TTK: variants seen among roughly 807,000 people sequenced by gnomAD.
TTK encodes dual specificity protein kinase TTK.
TTK carries 59 observed loss-of-function variants against 117.3 expected under a neutral mutation model. That is an observed-to-expected ratio of 0.50 (90% CI 0.41 to 0.62). The LOEUF (loss-of-function observed/expected upper bound fraction) is 0.62. TTK is among the 20% of genes least tolerant of loss of function. The pLI is 0.00. For synonymous variants in TTK, 302 were observed against 325.0 expected (o/e 0.93, Z 0.76); for missense variants, 921 against 989.4 (o/e 0.93, Z 0.93).
intron 10 of TTK, among the ~76,000 whole-genome samples, chr6:80,018,894 T>G (rs894029088): frequency 1.3e-5 from 2 of 152,150 alleles, no homozygotes; most frequent in South Asian, 2.1e-4. Context: ...ATAGTTTTTT[T>G]TGTGTGACTG....
chr6:80,035,259 A>C lies in TTK; in HGVS notation c.1773-7A>C. The C allele has an allele frequency of 1.3e-6, 2 of 1,579,562 alleles. No homozygotes were observed. Among genetic ancestry groups the C allele is most frequent in the South Asian group, 2.4e-5 (2 of 84,132 alleles). ...TTGTTTTGTTGCTTTTATTTGTTTA[A>C]TTGCAGTGAAATCACGGACCAGTAC... On this transcript the variant is annotated splice_region_variant and splice_polypyrimidine_tract_variant and intron_variant, in intron 15 of 21. Transcript: ENST00000369798.
intron 14 of TTK, 152 bp downstream of exon 14, chr6:80,031,711 C>G (rs571752475): frequency 2.1e-6 from 1 of 473,042 alleles, no homozygotes. Context: ...CCTTTCTCTT[C>G]CCGCTGCCCC....
At chr6:80,016,942 G>A (rs1357840431) in intron 10 of TTK, among the ~76,000 whole-genome samples, 1 of 152,226 alleles carries the variant, frequency 6.6e-6, no homozygotes, top group African/African-American at 2.4e-5. Flanking sequence ...TCTATTTCCA[G>A]ATTCCTCTGG....
intron 11 of TTK, among the ~76,000 whole-genome samples, chr6:80,023,821 T>TTA (rs1235675935): frequency 1.3e-5 from 2 of 152,190 alleles, no homozygotes; most frequent in African/African-American, 4.8e-5. Context: ...GGAAAACTCC[T>TTA]TATATACTCA....
chr6:80,026,904 T>C (rs1337259698), intron 12 of TTK, among the ~76,000 whole-genome samples: 1 of 152,150 alleles, frequency 6.6e-6, no homozygotes, highest in Non-Finnish European at 1.5e-5. Context: ...GTGGTGTTAA[T>C]TGGAAAGTGA....
chr6:80,011,764 A>G lies in TTK; in HGVS notation c.764A>G (p.Tyr255Cys). 1 of 1,612,880 alleles carries G rather than the reference A, an allele frequency of 6.2e-7. No individual in the cohort carries two copies. The highest frequency in any genetic ancestry group is 8.5e-7 in the Non-Finnish European group (1 of 1,179,208). ...CCACCACAAGATGCAGAAATAGGTT[A>G]CCGGAATTCATTGAGACAAACTAAC... is the stretch of plus-strand genomic sequence containing the variant. ...NMPPQDAEIG[Y>C]RNSLRQTNKT... The change falls in exon 7 of 22, where the codon TAC becomes TGC. Residue 255 changes from tyrosine (Y) to cysteine (C), a missense_variant. Transcript: ENST00000369798.
Position 80,022,468 on chromosome 6 carries a change from C to G in TTK, c.1253C>G (p.Thr418Arg). 1 of 1,612,708 alleles carries G rather than the reference C, an allele frequency of 6.2e-7. No individual in the cohort carries two copies. The highest frequency in any genetic ancestry group is 2.2e-5 in the East Asian group (1 of 44,834). Reference sequence around the variant, plus strand: ...CCGGAGTTAGCCCGAAAAGTTAATACAGAGGTAACTTTTCCACTAAAGTAC... The same window carrying G: ...CCGGAGTTAGCCCGAAAAGTTAATAGAGAGGTAACTTTTCCACTAAAGTAC... ...QIPELARKVN[T>R]EQKHTTFEQP... The change falls in exon 11 of 22, where the codon ACA (threonine) becomes AGA (arginine). Residue 418 changes from threonine (T) to arginine (R), a missense_variant. Transcript: ENST00000369798.
At position 80,005,855 on chromosome 6, in the gene TTK, G is replaced by A. The variant is rs1380126075; in HGVS notation, c.12G>A (p.Glu4=). The part of the protein sequence containing the change: MES[E]DLSGRELTID... ...TTTTTTTCTTAGAAATGGAATCCGA[G>A]GATTTAAGTGGCAGAGAATTGACAA... Residue 4 remains glutamate (E), a synonymous_variant, in exon 2 of 22, where the codon GAG becomes GAA. Transcript: ENST00000369798. 1 of 1,612,048 alleles carries A rather than the reference G, an allele frequency of 6.2e-7. No homozygotes were observed. Among genetic ancestry groups the A allele is most frequent in the South Asian group, 1.1e-5 (1 of 90,698 alleles).
At chr6:80,026,337 A>G (rs750104362) in intron 11 of TTK, 41 bp from the exon 12 acceptor site, 1 of 1,579,550 alleles carries the variant, frequency 6.3e-7, no homozygotes, top group Admixed American at 1.9e-5. Context: ...ACAGGCAACT[A>G]ATTTAAAAAC....
chr6:80,038,534 C>T (rs946932603), intron 18 of TTK, among the ~76,000 whole-genome samples: 11 of 152,126 alleles, frequency 7.2e-5, no homozygotes, highest in Admixed American at 6.6e-5. Context: ...GTTTCCCTGT[C>T]TCTAAATTGT....
chr6:80,008,393 G>A lies in TTK; in HGVS notation c.370G>A (p.Glu124Lys). The A allele has an allele frequency of 6.2e-7, 1 of 1,610,164 alleles. No homozygotes were observed. The highest frequency in any genetic ancestry group is 1.1e-5 in the South Asian group (1 of 90,056). Residue 124 changes from glutamate (E) to lysine (K), a missense_variant, in exon 4 of 22, where the codon GAG becomes AAG. By Grantham distance (56) the Glu-to-Lys change is moderately conservative. Transcript: ENST00000369798. ...VRFAELKAIQ[E>K]PDDARDYFQM... ...TCAAATCTTTTATTACAGTATTCAA[G>A]AGCCAGATGATGCACGTGACTACTT...
chr6:80,031,473 G>A lies in TTK; in HGVS notation c.1528G>A (p.Ala510Thr). ...ATPLQNLQVL[A>T]SSSANECISV... is the part of the protein sequence containing the mutation. ...ATATATTTTACTTATTTAGGTTTTA[G>A]CATCTTCTTCAGCAAATGAATGCAT... The change falls in exon 14 of 22, where the codon GCA (alanine) becomes ACA (threonine). Residue 510 changes from alanine to threonine, a missense_variant. Transcript: ENST00000369798. 1.3e-6 allele frequency: 2 copies of A among 1,497,190 alleles called. No individual in the cohort carries two copies. The highest frequency in any genetic ancestry group is 8.9e-7 in the Non-Finnish European group (1 of 1,129,670). The allele number at this position is 1,497,190 out of a possible 1,614,324, so 92.7% of individuals were successfully genotyped here.
rs1768007361 is a variant in TTK at position 80,040,134 on chromosome 6, TTATCAA to T, written c.2308-56_2308-51del. The T allele has an allele frequency of 4.7e-6, 6 of 1,271,276 alleles. 1 individual carries two copies. The Middle Eastern group carries it at 1.2e-3, about 255-fold the overall frequency. 78.7% of individuals were successfully genotyped at this position (1,271,276 alleles called of 1,614,324 possible). ...ATATAATGTAATCTGGAAAAATACT[TTATCAA>T]TATCATATATGAAAACCTGCTTTGT... On this transcript the variant is annotated intron_variant, in intron 19 of 21. Coordinates refer to ENST00000369798, the MANE Select transcript of TTK (RefSeq NM_003318.5).
In TTK at chr6:80,022,360, G is replaced by A. The variant is rs1311368817; in HGVS notation, c.1145G>A (p.Ser382Asn). 2 of 1,613,652 alleles carry A rather than the reference G, an allele frequency of 1.2e-6. No individual in the cohort carries two copies. Among genetic ancestry groups the A allele is most frequent in the Admixed American group, 3.3e-5 (2 of 59,958 alleles). ...TATCAAGAACCAGAGGTTCCAGAGA[G>A]TAACCAGAAACAGTGGCAATCTAAG... Reference protein sequence around the residue: ...KEYQEPEVPESNQKQWQSKRK... With the variant: ...KEYQEPEVPENNQKQWQSKRK... The change falls in exon 11 of 22, where the codon AGT (serine) becomes AAT (asparagine). Residue 382 changes from serine (S) to asparagine (N), a missense_variant. Coordinates refer to ENST00000369798, the MANE Select transcript of TTK (RefSeq NM_003318.5).
In TTK at chr6:80,035,099, A is replaced by G. The variant is rs1767860155; in HGVS notation, c.1729A>G (p.Lys577Glu). The G allele has an allele frequency of 6.3e-7, 1 of 1,594,590 alleles. No homozygotes were observed. Among genetic ancestry groups the G allele is most frequent in the Non-Finnish European group, 8.5e-7 (1 of 1,174,168 alleles). ...CCGGAACGAAATAGCTTATTTGAAT[A>G]AACTACAACAACACAGTGATAAGAT... ...SYRNEIAYLN[K>E]LQQHSDKIIR... The change falls in exon 15 of 22, where the codon AAA becomes GAA. Residue 577 changes from lysine to glutamate, a missense_variant. Physicochemically the swap from Lys to Glu is moderately conservative, Grantham distance 56. Coordinates refer to ENST00000369798, the MANE Select transcript of TTK (RefSeq NM_003318.5).
At chr6:80,019,030 A>G (rs145976857) in intron 10 of TTK, among the ~76,000 whole-genome samples, 7 of 152,336 alleles carry the variant, frequency 4.6e-5, no homozygotes, top group Non-Finnish European at 8.8e-5. Context: ...GCATTTAGGA[A>G]TAAGCCCAAT....
chr6:80,017,310 C>T (rs1003473889), intron 10 of TTK, among the ~76,000 whole-genome samples: 2 of 152,160 alleles, frequency 1.3e-5, no homozygotes, highest in Non-Finnish European at 2.9e-5. Context: ...CAGGGTCTTG[C>T]TCTGTCACCC....
chr6:80,040,171 T>C, intron 19 of TTK, 25 bp from the exon 20 acceptor site: 1 of 1,511,840 alleles, frequency 6.6e-7, no homozygotes, highest in South Asian at 1.4e-5. Context: ...TTTGTTTTTC[T>C]TTTAAAATAT....
rs1378020307 is a variant in TTK, at chr6:80,007,990, G to A, written c.321G>A (p.Glu107=). ...CCCCAGATAAATATGGCCAAAATGA[G>A]AGTTTTGCTAGAATTCAAGTGAGAT... ...ALPPDKYGQN[E]SFARIQVRFA... Residue 107 remains glutamate, a synonymous_variant, in exon 3 of 22, where the codon GAG becomes GAA. Coordinates refer to ENST00000369798, the MANE Select transcript of TTK (RefSeq NM_003318.5). 3 of 1,610,418 alleles carry A rather than the reference G, an allele frequency of 1.9e-6. No individual in the cohort carries two copies. Among genetic ancestry groups the A allele is most frequent in the Non-Finnish European group, 2.5e-6 (3 of 1,176,890 alleles).
Sources: gnomAD v4.1 joint callset for allele counts (sites outside exome capture counted in the v4.1 genomes callset) on GRCh38, gnomAD v4.1.1 for gene constraint, MANE v1.5 for transcripts, NCBI Gene and HGNC (gene_info 2026-07-23, HGNC 2026-07-21) for gene names.